Variants in CAST observed in about 807,000 individuals in gnomAD.
The protein encoded by CAST is calpastatin, also known as MIR583 host.
A neutral mutation model predicts 119.6 loss-of-function variants in CAST; 76 were observed. The ratio of observed to expected loss-of-function variants is 0.64; its 90% CI spans 0.53 to 0.77. The LOEUF (loss-of-function observed/expected upper bound fraction) is 0.77, where lower values mean the gene tolerates loss of function less well. Ranked by LOEUF, CAST falls within the 30% of genes least tolerant of loss-of-function variation. The pLI, the probability that CAST is intolerant of heterozygous loss-of-function variation, is 0.00. For missense variants in CAST, 953 were observed against 946.5 expected, an observed-to-expected ratio of 1.01 and a Z score of -0.09; for synonymous variants, 319 against 331.6, an observed-to-expected ratio of 0.96 and a Z score of 0.41.
chr5:96,482,595 T>C, the CAST span, among the ~76,000 whole-genome samples: 106 of 152,100 alleles, frequency 7.0e-4, no homozygotes, highest in African/African-American at 2.4e-3. Context: ...TAAAATATTT[T>C]GCAATGAAGA....
chr5:96,497,755 A>G, the CAST span, among the ~76,000 whole-genome samples: 2 of 152,034 alleles, frequency 1.3e-5, no homozygotes, highest in African/African-American at 4.8e-5. Flanking sequence ...TAGATTCTGG[A>G]TATTAGCCCT....
At chr5:96,566,679 A>G (rs2150186047) in intron 1 of CAST, among the ~76,000 whole-genome samples, 1 of 152,332 alleles carries the variant, frequency 6.6e-6, no homozygotes, top group East Asian at 1.9e-4. Context: ...CTAAAACTAA[A>G]GGAGGGGTGA....
chr5:96,702,750 G>C (rs1169610419), intron 3 of CAST: 55 of 984,848 alleles, frequency 5.6e-5, no homozygotes, highest in South Asian at 4.7e-4. Context: ...CGCCGGGCAG[G>C]GGGGCGGGGA....
the CAST span, among the ~76,000 whole-genome samples, chr5:96,511,613 G>A: frequency 2.9e-3 from 437 of 152,330 alleles, 3 homozygotes; most frequent in African/African-American, 9.9e-3. Flanking sequence ...CCAGGGGAAA[G>A]TCTTGGAGAA....
intron 1 of CAST, among the ~76,000 whole-genome samples, chr5:96,619,154 T>A (rs939528080): frequency 6.6e-6 from 1 of 152,224 alleles, no homozygotes; most frequent in Non-Finnish European, 1.5e-5. Flanking sequence ...ATCAGCACTC[T>A]GTGTCTAGCT....
intron 2 of CAST, among the ~76,000 whole-genome samples, chr5:96,677,172 A>G (rs1750817203): frequency 6.6e-6 from 1 of 152,276 alleles, no homozygotes; most frequent in African/African-American, 2.4e-5. Flanking sequence ...ACACTTCCTG[A>G]TTGAAAACCA....
the CAST span, among the ~76,000 whole-genome samples, chr5:96,340,595 G>A: frequency 2.0e-5 from 3 of 152,282 alleles, no homozygotes; most frequent in South Asian, 2.1e-4. Flanking sequence ...GCCAGGTCCC[G>A]GTAGGAGCAA....
At chr5:96,058,835 A>T in the CAST span, among the ~76,000 whole-genome samples, 2 of 152,126 alleles carry the variant, frequency 1.3e-5, no homozygotes, top group Non-Finnish European at 2.9e-5. Flanking sequence ...AGACCTCCTT[A>T]ACAGAAATTA....
At chr5:96,120,647 G>GTA in the CAST span, among the ~76,000 whole-genome samples, 2 of 146,924 alleles carry the variant, frequency 1.4e-5, no homozygotes, top group Non-Finnish European at 3.0e-5. Flanking sequence ...CAAAGCATAT[G>GTA]TATATATATA....
chr5:96,267,721 A>C, the CAST span, among the ~76,000 whole-genome samples: 2 of 152,240 alleles, frequency 1.3e-5, no homozygotes, highest in Non-Finnish European at 2.9e-5. Flanking sequence ...ATGTGCAAAA[A>C]TAAAACATTT....
upstream of CAST, among the ~76,000 whole-genome samples, chr5:96,527,869 A>C (rs547211171): frequency 1.3e-5 from 2 of 152,310 alleles, no homozygotes; most frequent in South Asian, 4.1e-4. Flanking sequence ...ATTTTGAGCC[A>C]AGAGTGTGTA....
chr5:96,429,313 C>A, the CAST span: 2 of 1,526,516 alleles, frequency 1.3e-6, no homozygotes, highest in Non-Finnish European at 1.8e-6. Flanking sequence ...TTCAAGTGAA[C>A]CAATCTATAA....
At chr5:96,006,272 T>C in the CAST span, among the ~76,000 whole-genome samples, 3 of 152,060 alleles carry the variant, frequency 2.0e-5, no homozygotes, top group Non-Finnish European at 4.4e-5. Context: ...TCAGCAGGGG[T>C]GTCCAATCTT....
the CAST span, among the ~76,000 whole-genome samples, chr5:96,405,565 G>A: frequency 2.8e-4 from 42 of 152,162 alleles, no homozygotes; most frequent in African/African-American, 9.2e-4. Flanking sequence ...CAGCTACTCA[G>A]GAGGCTGAGG....
the CAST span, chr5:95,961,605 G>C: frequency 1.9e-6 from 3 of 1,605,892 alleles, no homozygotes; most frequent in South Asian, 1.1e-5. Flanking sequence ...CGAGCGCCCG[G>C]ATCGCCGTCT....
At chr5:96,561,796 G>GTTTTTTTTTTTTTTTTTTTTTTTTTTTTT (rs11375615) in intron 1 of CAST, among the ~76,000 whole-genome samples, 2 of 97,422 alleles carry the variant, frequency 2.1e-5, no homozygotes, top group African/African-American at 3.8e-5. Flanking sequence ...GTTTTTTTTT[G>GTTTTTTTTTTTTTTTTTTTTTTTTTTTTT]TTTTTTTTTT....
At position 96,616,744 on chromosome 5, in the gene CAST, C is replaced by CTA. The variant is rs755651461; in HGVS notation, c.61-58786_61-58785dup. Among the ~76,000 whole-genome samples, 106 of 123,074 alleles carry CTA rather than the reference C, an allele frequency of 8.6e-4. 1 individual carries two copies. The highest frequency in any genetic ancestry group is 1.9e-3 in the African/African-American group (52 of 27,508). The allele number at this position is 123,074 out of a possible 152,430, so 80.7% of individuals were successfully genotyped here. A position where few individuals can be genotyped will look rare whatever the true frequency, so the allele number is the denominator to read the frequency against. On this transcript the variant is annotated intron_variant, in intron 1 of 11. Transcript: ENST00000505143. The stretch of plus-strand genomic sequence containing the variant: ...GCGCTCGCTCGCTCTCTCTCTCTCT[C>CTA]TATATATATACACACACACACACAC...
chr5:96,469,925 C>A, the CAST span, among the ~76,000 whole-genome samples: 1 of 145,884 alleles, frequency 6.9e-6, no homozygotes. Context: ...ATAAATTGTC[C>A]AAGGAAGATA....
intron 1 of CAST, among the ~76,000 whole-genome samples, chr5:96,596,912 G>A (rs1747059443): frequency 6.6e-6 from 1 of 152,182 alleles, no homozygotes; most frequent in Non-Finnish European, 1.5e-5. Flanking sequence ...CTGAGCATGT[G>A]AGGAGAGAGA....
Sources: gnomAD v4.1 joint callset for allele counts (sites outside exome capture counted in the v4.1 genomes callset) on GRCh38, gnomAD v4.1.1 for gene constraint, MANE v1.5 for transcripts, NCBI Gene and HGNC (gene_info 2026-07-23, HGNC 2026-07-21) for gene names.